NR3C2: variants seen among roughly 807,000 people sequenced by gnomAD.
The protein encoded by NR3C2 is mineralocorticoid receptor.
In NR3C2, 15 loss-of-function variants were observed where a neutral mutation model predicts 86.4. That is an observed-to-expected ratio of 0.17 (90% CI 0.12 to 0.27). NR3C2 has a LOEUF of 0.27. Ranked by LOEUF, NR3C2 falls within the 10% of genes least tolerant of loss-of-function variation. The pLI is 1.00. For synonymous variants in NR3C2, 458 were observed against 450.5 expected, an observed-to-expected ratio of 1.02 and a Z score of -0.21; for missense variants, 960 against 1,195.6, an observed-to-expected ratio of 0.80 and a Z score of 2.91.
At chr4:148,192,329 G>T (rs1560970136) in intron 4 of NR3C2, among the ~76,000 whole-genome samples, 1 of 152,310 alleles carries the variant, frequency 6.6e-6, no homozygotes, top group South Asian at 2.1e-4. Flanking sequence ...CCTGTGATGT[G>T]AACTGTCTAT....
chr4:148,091,808 G>A (rs1374796509), intron 8 of NR3C2, among the ~76,000 whole-genome samples: 1 of 152,234 alleles, frequency 6.6e-6, no homozygotes, highest in Non-Finnish European at 1.5e-5. Flanking sequence ...AGAGCTGATA[G>A]AGGCAGGGCA....
chr4:148,427,460 T>C (rs182689476), intron 2 of NR3C2, among the ~76,000 whole-genome samples: 126 of 151,958 alleles, frequency 8.3e-4, no homozygotes, highest in Middle Eastern at 3.4e-3. Context: ...TGGCTTATAG[T>C]TGGGTCTATC....
chr4:148,444,824 C>T (rs1274765182), upstream of NR3C2: 15 of 984,922 alleles, frequency 1.5e-5, no homozygotes, highest in Non-Finnish European at 1.8e-5. Flanking sequence ...CGGGGCTGCG[C>T]GTCCGCTCGG....
intron 2 of NR3C2, among the ~76,000 whole-genome samples, chr4:148,391,841 T>C (rs1747589919): frequency 7.5e-6 from 1 of 132,964 alleles, no homozygotes; most frequent in South Asian, 2.4e-4. Context: ...CACTCCAGCC[T>C]GGGTGAGAGA....
At chr4:148,169,326 C>T (rs981939746) in intron 4 of NR3C2, among the ~76,000 whole-genome samples, 1 of 151,856 alleles carries the variant, frequency 6.6e-6, no homozygotes, top group Non-Finnish European at 1.5e-5. Context: ...AAAAGCTAAA[C>T]AAAATTTTAA....
At chr4:148,366,849 T>C (rs969751404) in intron 2 of NR3C2, among the ~76,000 whole-genome samples, 1 of 152,148 alleles carries the variant, frequency 6.6e-6, no homozygotes. Flanking sequence ...GACCTTGTAC[T>C]ATATTAAGAT....
At chr4:148,109,667 G>T (rs1190892807) in intron 8 of NR3C2, among the ~76,000 whole-genome samples, 3 of 152,308 alleles carry the variant, frequency 2.0e-5, no homozygotes, top group South Asian at 4.1e-4. Context: ...AAAGTTGTGT[G>T]CATGTGTCCT....
intron 6 of NR3C2, among the ~76,000 whole-genome samples, chr4:148,134,645 T>C (rs868280337): frequency 1.3e-4 from 15 of 116,546 alleles, no homozygotes; most frequent in East Asian, 5.9e-4. Context: ...CTCTCTCTCT[T>C]TTTTTTTTTT....
At chr4:148,224,373 G>A (rs1402341540) in intron 3 of NR3C2, among the ~76,000 whole-genome samples, 1 of 152,194 alleles carries the variant, frequency 6.6e-6, no homozygotes, top group Non-Finnish European at 1.5e-5. Context: ...AAAGCACAAT[G>A]ATTTTGTCTA....
rs1731085703 is a variant in NR3C2, at chr4:148,092,067, GC to G, written c.2800-10569del. ...CTGTGGGCACAGCTCTCCCGGGGAT[GC>G]CCCAGCAATTTCCTCAGACACTCAC... is the stretch of plus-strand genomic sequence containing the variant. On this transcript the variant is annotated intron_variant, in intron 8 of 8. Transcript: ENST00000358102. Among the ~76,000 whole-genome samples the G allele has an allele frequency of 2.0e-5, 3 of 152,154 alleles. No individual in the cohort carries two copies. The South Asian group carries it at 6.2e-4, about 32-fold the overall frequency.
intron 4 of NR3C2, among the ~76,000 whole-genome samples, chr4:148,172,446 GA>G (rs1195989346): frequency 6.6e-6 from 1 of 152,126 alleles, no homozygotes; most frequent in Non-Finnish European, 1.5e-5. Flanking sequence ...CAACAATAAG[GA>G]TCAAGACTTA....
intron 3 of NR3C2, among the ~76,000 whole-genome samples, chr4:148,207,768 C>T (rs915048288): frequency 5.9e-5 from 9 of 152,050 alleles, no homozygotes; most frequent in Admixed American, 3.3e-4. Context: ...TTCCAAAGAC[C>T]CCCAGTGGAT....
chr4:148,416,598 T>G (rs1749015062), intron 2 of NR3C2, among the ~76,000 whole-genome samples: 1 of 152,202 alleles, frequency 6.6e-6, no homozygotes. Context: ...TTGTGTCTCT[T>G]TCTACTCTCC....
At chr4:148,428,341 T>C (rs940068335) in intron 2 of NR3C2, among the ~76,000 whole-genome samples, 1 of 152,136 alleles carries the variant, frequency 6.6e-6, no homozygotes, top group Non-Finnish European at 1.5e-5. Context: ...GAAAACCCAA[T>C]GGAAAGACTT....
At chr4:148,212,882 G>A (rs1313701006) in intron 3 of NR3C2, among the ~76,000 whole-genome samples, 2 of 152,128 alleles carry the variant, frequency 1.3e-5, no homozygotes, top group Non-Finnish European at 2.9e-5. Context: ...GCAGATGAAG[G>A]TTCGTAATAA....
At chr4:148,325,102 T>C (rs1229780237) in intron 2 of NR3C2, among the ~76,000 whole-genome samples, 3 of 146,254 alleles carry the variant, frequency 2.1e-5, no homozygotes, top group Non-Finnish European at 4.5e-5. Context: ...AGGAGCATAG[T>C]GGAGAGACAG....
At position 148,423,216 on chromosome 4, in the gene NR3C2, C is replaced by T. The variant is rs151233992; in HGVS notation, c.1757+11888G>A. Among the ~76,000 whole-genome samples, 393 of 116,894 alleles carry T rather than the reference C, an allele frequency of 3.4e-3. 3 individuals carry two copies. Among genetic ancestry groups the T allele is most frequent in the African/African-American group, 0.011 (374 of 34,200 alleles). The allele number at this position is 116,894 out of a possible 152,430, so 76.7% of individuals were successfully genotyped here. A position where few individuals can be genotyped will look rare whatever the true frequency, so the allele number is the denominator to read the frequency against. ...TTAACCTTTCTACCCCCTTTTATGT[C>T]ATTCCTGAATTAAAAAAAAAAAAAG... On this transcript the variant is annotated intron_variant, in intron 2 of 8. Coordinates refer to ENST00000358102, the MANE Select transcript of NR3C2 (RefSeq NM_000901.5).
At chr4:148,285,362 C>T (rs542630265) in intron 2 of NR3C2, among the ~76,000 whole-genome samples, 2 of 152,296 alleles carry the variant, frequency 1.3e-5, no homozygotes, top group South Asian at 2.1e-4. Flanking sequence ...AGAGAAGCAA[C>T]AAACTGGTTT....
chr4:148,169,270 C>T (rs1735017324), intron 4 of NR3C2, among the ~76,000 whole-genome samples: 1 of 152,138 alleles, frequency 6.6e-6, no homozygotes, highest in Admixed American at 6.5e-5. Flanking sequence ...ATATTATCAG[C>T]TGTTATAGTC....
Sources: gnomAD v4.1 joint callset for allele counts (sites outside exome capture counted in the v4.1 genomes callset) on GRCh38, gnomAD v4.1.1 for gene constraint, MANE v1.5 for transcripts, NCBI Gene and HGNC (gene_info 2026-07-23, HGNC 2026-07-21) for gene names.